Variants in AASS observed in about 807,000 individuals in gnomAD.
The protein encoded by AASS is aminoadipate-semialdehyde synthase, also known as alpha-aminoadipic semialdehyde synthase, mitochondrial.
A neutral mutation model predicts 105.4 loss-of-function variants in AASS; 86 were observed. The observed-to-expected ratio is 0.82, with a 90% CI of 0.69 to 0.98. The LOEUF (loss-of-function observed/expected upper bound fraction) is 0.98, where lower values mean the gene tolerates loss of function less well. Among genes scored for constraint, AASS ranks in the 50% least tolerant of loss-of-function variants. AASS has a pLI of 0.00. For synonymous variants in AASS, 381 were observed against 394.8 expected, an observed-to-expected ratio of 0.96 and a Z score of 0.41; for missense variants, 1,048 against 1,143.2, an observed-to-expected ratio of 0.92 and a Z score of 1.20.
rs758309444 is a variant in AASS, at chr7:122,074,240, A to G, written c.*2249T>C. ...TCCCTGATGGCTAGTGATGTTGAGA[A>G]CCTTTTCATGTGCTTATTGGCCTTT... On this transcript the variant is annotated 3_prime_UTR_variant, in exon 24 of 24. Coordinates refer to ENST00000417368, the MANE Select transcript of AASS (RefSeq NM_005763.4). Among the ~76,000 whole-genome samples the G allele has an allele frequency of 2.3e-4, 35 of 152,004 alleles. No homozygotes were observed. Among genetic ancestry groups the G allele is most frequent in the Non-Finnish European group, 4.3e-4 (29 of 67,972 alleles).
At chr7:122,091,996 T>C (rs558873282) in intron 17 of AASS, among the ~76,000 whole-genome samples, 153 bp from the exon 18 acceptor site, 1 of 152,280 alleles carries the variant, frequency 6.6e-6, no homozygotes, top group African/African-American at 2.4e-5. Context: ...CTTCAAAGCA[T>C]GTACCATTTG....
In AASS at chr7:122,129,449, A is replaced by G. The variant is rs760470068; in HGVS notation, c.299T>C (p.Leu100Ser). 17 of 1,613,362 alleles carry G rather than the reference A, an allele frequency of 1.1e-5. No individual in the cohort carries two copies. Among genetic ancestry groups the G allele is most frequent in the Non-Finnish European group, 2.5e-6 (3 of 1,179,660 alleles). Reference protein sequence around the residue: ...LGVKRPPEEKLMSRKTYAFFS... With the variant: ...LGVKRPPEEKSMSRKTYAFFS... Reference sequence around the variant, plus strand: ...AAATGCATAAGTCTTCCTGGACATTAATTTTTCCTCTGGAGGTCTTTTAAC... The same window carrying G: ...AAATGCATAAGTCTTCCTGGACATTGATTTTTCCTCTGGAGGTCTTTTAAC... Residue 100 changes from leucine to serine, a missense_variant, in exon 3 of 24, where the codon TTA (leucine) becomes TCA (serine). Physicochemically the swap from Leu to Ser is moderately radical, Grantham distance 145 (BLOSUM62 -2). Transcript: ENST00000417368.
intron 15 of AASS, among the ~76,000 whole-genome samples, chr7:122,096,906 T>A: frequency 6.6e-6 from 1 of 152,198 alleles, no homozygotes; most frequent in East Asian, 1.9e-4. Flanking sequence ...AAATGATATA[T>A]TTAGATACCT....
At chr7:122,128,653 A>G (rs1259372878) in intron 3 of AASS, among the ~76,000 whole-genome samples, 1 of 152,250 alleles carries the variant, frequency 6.6e-6, no homozygotes, top group Non-Finnish European at 1.5e-5. Flanking sequence ...TGGAACAAAC[A>G]GTGTCAGACA....
intron 1 of AASS, among the ~76,000 whole-genome samples, chr7:122,142,355 A>G (rs913870055): frequency 1.3e-5 from 2 of 148,228 alleles, no homozygotes; most frequent in African/African-American, 5.3e-5. Flanking sequence ...CGCCGCTAAC[A>G]GTAGACTCAC....
chr7:122,074,869 G>GT lies in AASS; in HGVS notation c.*1619dup, dbSNP rs79589982. ...TGTCAATTTTTTTCTTTTCTTTTTTGTTTTTTTTGAGTCAAGGTCTAACTC... is the reference window on the plus strand; with the variant it reads ...TGTCAATTTTTTTCTTTTCTTTTTTGTTTTTTTTTGAGTCAAGGTCTAACTC... On this transcript the variant is annotated 3_prime_UTR_variant, in exon 24 of 24. Transcript: ENST00000417368. Among the ~76,000 whole-genome samples the GT allele has an allele frequency of 0.15, 22,317 of 151,062 alleles. 1,867 individuals are homozygous for GT. The highest frequency in any genetic ancestry group is 0.28 in the South Asian group (1,330 of 4,780).
chr7:122,118,608 T>A lies in AASS; in HGVS notation c.495A>T (p.Gly165=). 1.2e-6 allele frequency: 2 copies of A among 1,613,980 alleles called. No homozygotes were observed. Among genetic ancestry groups the A allele is most frequent in the Non-Finnish European group, 1.7e-6 (2 of 1,179,946 alleles). ...CCAAAGCAAGGAGCCTTAAACCCAT[T>A]CCATGTAAAATGTTGATCATTCCTG... is the stretch of plus-strand genomic sequence containing the variant. ...GVAGMINILH[G]MGLRLLALGH... The change falls in exon 5 of 24, where the codon GGA becomes GGT. Residue 165 remains glycine (G), a synonymous_variant. Transcript: ENST00000417368.
At position 122,073,747 on chromosome 7, in the gene AASS, C is replaced by A. The variant is rs1300690666; in HGVS notation, c.*2742G>T. Among the ~76,000 whole-genome samples the A allele has an allele frequency of 6.6e-6, 1 of 152,144 alleles. No homozygotes were observed. The highest frequency in any genetic ancestry group is 1.9e-4 in the East Asian group (1 of 5,188). ...CAGTCACCCCTTTGTCCTCCCCAAC[C>A]CTTCAGCCTAAGCAACCACTAATCT... On this transcript the variant is annotated 3_prime_UTR_variant, in exon 24 of 24. Coordinates refer to ENST00000417368, the MANE Select transcript of AASS (RefSeq NM_005763.4).
At chr7:122,101,223 T>C in intron 13 of AASS, 148 bp downstream of exon 13, 1 of 708,134 alleles carries the variant, frequency 1.4e-6, no homozygotes, top group Admixed American at 2.4e-5. Flanking sequence ...AGCCACTTAG[T>C]TTGGATTTCC....
intron 18 of AASS, among the ~76,000 whole-genome samples, chr7:122,089,732 A>T (rs557547875): frequency 2.2e-4 from 33 of 152,314 alleles, no homozygotes; most frequent in African/African-American, 7.0e-4. Context: ...CACAACCAGT[A>T]ATGGCAGAGC....
At chr7:122,106,571 A>G (rs1439128747) in intron 11 of AASS, among the ~76,000 whole-genome samples, 2 of 151,960 alleles carry the variant, frequency 1.3e-5, no homozygotes, top group Non-Finnish European at 2.9e-5. Flanking sequence ...AAGACCAATA[A>G]AACAGAATAG....
chr7:122,089,049 C>G (rs1402570198), intron 18 of AASS, among the ~76,000 whole-genome samples: 1 of 151,930 alleles, frequency 6.6e-6, no homozygotes, highest in Non-Finnish European at 1.5e-5. Flanking sequence ...AAGTTTAAGT[C>G]TTCAAATTCA....
intron 9 of AASS, among the ~76,000 whole-genome samples, chr7:122,114,210 T>C (rs887005068): frequency 5.9e-5 from 9 of 152,178 alleles, no homozygotes; most frequent in Non-Finnish European, 1.0e-4. Context: ...CATGAACCAA[T>C]GTAGAGCTAG....
chr7:122,100,483 C>G (rs1164060373), intron 13 of AASS, among the ~76,000 whole-genome samples: 1 of 151,870 alleles, frequency 6.6e-6, no homozygotes, highest in African/African-American at 2.4e-5. Context: ...TAACTATAAT[C>G]AAACCAGCAC....
chr7:122,078,455 T>C lies in AASS; in HGVS notation c.2485+407A>G, dbSNP rs546825187. Among the ~76,000 whole-genome samples, 11 of 151,868 alleles carry C rather than the reference T, an allele frequency of 7.2e-5. No homozygotes were observed. In the East Asian group the frequency reaches 1.9e-3, roughly 27 times the overall value. ...GGTGAAACCTTGTCTCTACTAAAAA[T>C]ACAAAAATTAGCTGGGCATGGTGGC... On this transcript the variant is annotated intron_variant, in intron 22 of 23. Transcript: ENST00000417368.
chr7:122,140,487 A>AAAAAAAAAAAAAAAAAAAAAAAAAAAAAC (rs1796340180), intron 1 of AASS, among the ~76,000 whole-genome samples: 1 of 136,396 alleles, frequency 7.3e-6, no homozygotes, highest in Non-Finnish European at 1.5e-5. Flanking sequence ...CTCAGTCTCA[A>AAAAAAAAAAAAAAAAAAAAAAAAAAAAAC]AAAAAAAAAA....
Position 122,110,142 on chromosome 7 carries a change from A to T in AASS, c.1278+2976T>A, listed in dbSNP as rs755694420. ...AAATAAAGAATATAGTATAGGTAAG[A>T]TTATAAATTAAGAAAACAGAAAATG... is the stretch of plus-strand genomic sequence containing the variant. On this transcript the variant is annotated intron_variant, in intron 11 of 23. Coordinates refer to ENST00000417368, the MANE Select transcript of AASS (RefSeq NM_005763.4). Among the ~76,000 whole-genome samples, 101 of 152,008 alleles carry T rather than the reference A, an allele frequency of 6.6e-4. 1 individual carries two copies. The highest frequency in any genetic ancestry group is 1.5e-4 in the Non-Finnish European group (10 of 67,922).
chr7:122,091,678 A>T (rs1434953557), intron 18 of AASS, 25 bp downstream of exon 18: 1 of 1,613,218 alleles, frequency 6.2e-7, no homozygotes, highest in Admixed American at 1.7e-5. Flanking sequence ...GGTTGATATC[A>T]CTATGCTTGG....
intron 6 of AASS, among the ~76,000 whole-genome samples, chr7:122,118,081 TTACACA>T (rs1446009281): frequency 2.0e-5 from 3 of 151,926 alleles, no homozygotes; most frequent in Non-Finnish European, 4.4e-5. Flanking sequence ...ACATATACAC[TTACACA>T]TACACACACA....
Sources: gnomAD v4.1 joint callset for allele counts (sites outside exome capture counted in the v4.1 genomes callset) on GRCh38, gnomAD v4.1.1 for gene constraint, MANE v1.5 for transcripts, NCBI Gene and HGNC (gene_info 2026-07-23, HGNC 2026-07-21) for gene names.